Variants in MAGEC3 observed in about 807,000 individuals in gnomAD.
MAGEC3 encodes the protein melanoma-associated antigen C3.
A neutral mutation model predicts 35.3 loss-of-function variants in MAGEC3; 34 were observed. The observed-to-expected ratio is 0.96, with a 90% CI of 0.73 to 1.28. The LOEUF (loss-of-function observed/expected upper bound fraction) is 1.28. Ranked by LOEUF, MAGEC3 falls within the 50% of genes most tolerant of loss-of-function variation. The pLI is 0.00. For synonymous variants in MAGEC3, 202 were observed against 185.6 expected (o/e 1.09, Z -0.72); for missense variants, 561 against 483.6 (o/e 1.16, Z -1.50).
At chrX:141,895,830 T>G (rs983224556) in intron 6 of MAGEC3, among the ~76,000 whole-genome samples, 21 of 110,099 alleles carry the variant, frequency 1.9e-4, no homozygotes, top group African/African-American at 6.0e-4. Flanking sequence ...AGAGGGAAGA[T>G]TCCCAGGCCC....
At chrX:141,866,510 A>G (rs936112326) in intron 2 of MAGEC3, among the ~76,000 whole-genome samples, 6 of 112,264 alleles carry the variant, frequency 5.3e-5, no homozygotes, top group African/African-American at 1.9e-4. Context: ...TGCTAATAGA[A>G]ATGCAAGCTA....
intron 1 of MAGEC3, among the ~76,000 whole-genome samples, chrX:141,857,741 C>G (rs2017790194): frequency 9.0e-6 from 1 of 111,115 alleles, no homozygotes; most frequent in South Asian, 3.8e-4. Flanking sequence ...TCCTTGACAC[C>G]TGAAACACGC....
chrX:141,888,606 T>C (rs1223725616), intron 4 of MAGEC3, among the ~76,000 whole-genome samples: 1 of 111,949 alleles, frequency 8.9e-6, no homozygotes. Flanking sequence ...ATCAAGTGGA[T>C]AGTATGAGCC....
chrX:141,865,477 A>G lies in MAGEC3; in HGVS notation c.130A>G (p.Lys44Glu). 1 of 1,201,072 alleles carries G rather than the reference A, an allele frequency of 8.3e-7. No homozygotes were observed. The highest frequency in any genetic ancestry group is 1.1e-6 in the Non-Finnish European group (1 of 889,420). ...VVLPPQPQPR[K>E]KATDKDYSAF... ...TGATATTTGACCTGAGTAGCCCCGG[A>G]AAAAGGCCACAGATAAGGACTATTC... The change falls in exon 2 of 8, where the codon AAA becomes GAA. Residue 44 changes from lysine to glutamate, a missense_variant. Lys to Glu is a moderately conservative substitution (Grantham distance 56). Transcript: ENST00000298296.
intron 4 of MAGEC3, among the ~76,000 whole-genome samples, chrX:141,883,275 C>T (rs1346703127): frequency 8.9e-6 from 1 of 112,123 alleles, no homozygotes; most frequent in Non-Finnish European, 1.9e-5. Context: ...ATTGAAAGGT[C>T]ATTTAATTAG....
chrX:141,881,270 C>T (rs1195823130), intron 3 of MAGEC3, 133 bp from the exon 4 acceptor site: 1 of 729,326 alleles, frequency 1.4e-6, no homozygotes, highest in South Asian at 2.9e-5. Flanking sequence ...CTGCCTCTTC[C>T]CCAGAATCCT....
chrX:141,890,946 T>G (rs2018037100), intron 4 of MAGEC3, among the ~76,000 whole-genome samples: 1 of 111,986 alleles, frequency 8.9e-6, no homozygotes, highest in Admixed American at 9.5e-5. Flanking sequence ...AGAGCCATGA[T>G]CCGCTATGGA....
Position 141,897,652 on chromosome X carries a change from A to G in MAGEC3, c.1752A>G (p.Glu584=). ...AIGPIQRPAR[E]VLEFLSKLSS... ...AGCCCATTCAGAGGCCAGCAAGAGAAGTCTTAGAGTTTTTATCCAAGCTAT... is the reference window on the plus strand; with the variant it reads ...AGCCCATTCAGAGGCCAGCAAGAGAGGTCTTAGAGTTTTTATCCAAGCTAT... The change falls in exon 8 of 8, where the codon GAA becomes GAG. Residue 584 remains glutamate, a synonymous_variant. Transcript: ENST00000298296. 8.3e-7 allele frequency: 1 copy of G among 1,209,455 alleles called. No homozygotes were observed. Among genetic ancestry groups the G allele is most frequent in the Non-Finnish European group, 1.1e-6 (1 of 894,695 alleles).
intron 4 of MAGEC3, among the ~76,000 whole-genome samples, chrX:141,883,185 C>A (rs751920526): frequency 1.9e-4 from 21 of 111,978 alleles, no homozygotes; most frequent in African/African-American, 6.8e-4. Flanking sequence ...AGAAATAAGG[C>A]GATAATTCCT....
intron 4 of MAGEC3, among the ~76,000 whole-genome samples, chrX:141,894,329 T>G (rs1212937600): frequency 8.9e-6 from 1 of 111,755 alleles, no homozygotes; most frequent in African/African-American, 3.3e-5. Context: ...ATAATAAAAA[T>G]TAATGACATT....
chrX:141,879,286 G>C lies in MAGEC3; in HGVS notation c.370G>C (p.Glu124Gln). The part of the protein sequence containing the change: ...LRRAVSVKQR[E>Q]EPQDWPLNEK... ...GAGGGCAGTTTCAGTTAAGCAGAGG[G>C]AGGAACCCCAGGACTGGCCACTCAA... The change falls in exon 3 of 8, where the codon GAG (glutamate) becomes CAG (glutamine). Residue 124 changes from glutamate to glutamine, a missense_variant. Glu to Gln is a conservative substitution (Grantham distance 29). Transcript: ENST00000298296. The C allele has an allele frequency of 2.5e-6, 3 of 1,207,332 alleles. No individual in the cohort carries two copies. The highest frequency in any genetic ancestry group is 2.2e-6 in the Non-Finnish European group (2 of 893,312).
At chrX:141,876,142 A>G (rs2017918754) in intron 2 of MAGEC3, among the ~76,000 whole-genome samples, 1 of 112,157 alleles carries the variant, frequency 8.9e-6, no homozygotes. Flanking sequence ...ATAAACCTCT[A>G]TTCCCATCAC....
intron 1 of MAGEC3, among the ~76,000 whole-genome samples, chrX:141,864,626 G>A (rs1469011800): frequency 9.0e-6 from 1 of 111,266 alleles, no homozygotes; most frequent in Non-Finnish European, 1.9e-5. Flanking sequence ...GCCTGTTGGA[G>A]GTTGGAGGAT....
rs1244286790 is a variant in MAGEC3 at position 141,862,677 on chromosome X, C to G, written c.124-2794C>G. On this transcript the variant is annotated intron_variant, in intron 1 of 7. Coordinates refer to ENST00000298296, the MANE Select transcript of MAGEC3 (RefSeq NM_138702.1). The stretch of plus-strand genomic sequence containing the variant: ...TTTATGTTAAATGATGTAAACCAGG[C>G]ACAGAAAGACAAATATCACATGTTC... Among the ~76,000 whole-genome samples, 4 of 112,043 alleles carry G rather than the reference C, an allele frequency of 3.6e-5. No homozygotes were observed. In the South Asian group the frequency reaches 1.5e-3, roughly 41 times the overall value.
intron 1 of MAGEC3, among the ~76,000 whole-genome samples, chrX:141,864,013 A>G (rs2017832097): frequency 8.9e-6 from 1 of 111,947 alleles, no homozygotes; most frequent in African/African-American, 3.3e-5. Flanking sequence ...AAGGTGAGGC[A>G]TAGGGGATTC....
At chrX:141,878,493 G>A (rs1042878695) in intron 2 of MAGEC3, among the ~76,000 whole-genome samples, 10 of 112,740 alleles carry the variant, frequency 8.9e-5, no homozygotes, top group Non-Finnish European at 1.9e-5. Flanking sequence ...ACAGAATCCA[G>A]CTCCACTGCT....
intron 1 of MAGEC3, among the ~76,000 whole-genome samples, chrX:141,850,251 T>A (rs761242799): frequency 2.7e-5 from 3 of 110,452 alleles, no homozygotes; most frequent in Admixed American, 9.7e-5. Flanking sequence ...GAGGCATGGG[T>A]AGGAAAACCA....
At chrX:141,881,361 G>A (rs773622777) in intron 3 of MAGEC3, 42 bp from the exon 4 acceptor site, 3 of 1,163,094 alleles carry the variant, frequency 2.6e-6, no homozygotes, top group East Asian at 6.0e-5. Flanking sequence ...TCAATGAAGA[G>A]CCTAGCAGCC....
At chrX:141,875,252 A>T (rs73238536) in intron 2 of MAGEC3, among the ~76,000 whole-genome samples, 1,408 of 111,576 alleles carry the variant, frequency 0.013, 16 homozygotes, top group Middle Eastern at 0.023. Context: ...ATTTGATAAA[A>T]ATTGAGAGAA....
Sources: allele counts gnomAD v4.1 joint callset (sites outside exome capture counted in the v4.1 genomes callset), GRCh38; gene constraint gnomAD v4.1.1; transcripts MANE v1.5; gene names NCBI Gene and HGNC (gene_info 2026-07-23, HGNC 2026-07-21).